The following DGKB variants were observed in gnomAD, a reference collection of about 807,000 sequenced individuals.
DGKB encodes the protein 90 kDa diacylglycerol kinase.
A neutral mutation model predicts 114.3 loss-of-function variants in DGKB; 67 were observed. That is an observed-to-expected ratio of 0.59 (90% confidence interval 0.48 to 0.72). DGKB has a LOEUF of 0.72. DGKB is among the 30% of genes least tolerant of loss of function. DGKB has a pLI of 0.00. For missense variants in DGKB, 907 were observed against 975.2 expected, an observed-to-expected ratio of 0.93 and a Z score of 0.93; for synonymous variants, 398 against 323.1, an observed-to-expected ratio of 1.23 and a Z score of -2.49.
At chr7:14,800,418 T>C (rs1842002923) in intron 2 of DGKB, among the ~76,000 whole-genome samples, 2 of 152,158 alleles carry the variant, frequency 1.3e-5, no homozygotes, top group Non-Finnish European at 2.9e-5. Context: ...TAAAATCTAA[T>C]CAGCTGTCAG....
intron 23 of DGKB, among the ~76,000 whole-genome samples, chr7:14,331,204 T>A (rs1249797611): frequency 6.6e-6 from 1 of 152,068 alleles, no homozygotes; most frequent in Non-Finnish European, 1.5e-5. Context: ...TCTATCTATT[T>A]TCAACCAATG....
intron 21 of DGKB, among the ~76,000 whole-genome samples, chr7:14,383,931 C>T (rs928868382): frequency 6.6e-5 from 10 of 152,150 alleles, no homozygotes; most frequent in Non-Finnish European, 1.5e-4. Context: ...AATTGGCATT[C>T]ATACTGATGT....
At chr7:14,545,977 T>C (rs985640203) in intron 20 of DGKB, among the ~76,000 whole-genome samples, 1 of 152,186 alleles carries the variant, frequency 6.6e-6, no homozygotes, top group Admixed American at 6.5e-5. Flanking sequence ...AACGAGAGTA[T>C]TGGCTGTCGT....
chr7:14,429,439 C>T (rs920410643), intron 21 of DGKB, among the ~76,000 whole-genome samples: 1 of 152,186 alleles, frequency 6.6e-6, no homozygotes, highest in African/African-American at 2.4e-5. Flanking sequence ...GCCTCCAGAA[C>T]TGTGAGTAAT....
At chr7:14,510,969 C>G (rs563986923) in intron 20 of DGKB, among the ~76,000 whole-genome samples, 1 of 152,132 alleles carries the variant, frequency 6.6e-6, no homozygotes, top group Non-Finnish European at 1.5e-5. Flanking sequence ...ATTCAGTAAA[C>G]AATGCTGTAA....
intron 17 of DGKB, among the ~76,000 whole-genome samples, chr7:14,591,482 A>C (rs1447926293): frequency 3.9e-5 from 6 of 152,052 alleles, no homozygotes; most frequent in Non-Finnish European, 8.8e-5. Context: ...ATGTATCTCC[A>C]ATAGCTATAT....
intron 23 of DGKB, among the ~76,000 whole-genome samples, chr7:14,199,707 G>A (rs1187736205): frequency 6.6e-5 from 10 of 152,034 alleles, no homozygotes; most frequent in African/African-American, 2.2e-4. Flanking sequence ...AAGTGGCAGT[G>A]CACTATAATG....
chr7:14,794,102 T>C (rs1007064585), intron 2 of DGKB, among the ~76,000 whole-genome samples: 4 of 152,148 alleles, frequency 2.6e-5, no homozygotes, highest in Non-Finnish European at 5.9e-5. Context: ...TTGTGAGACT[T>C]CTCAGCCTCT....
intron 2 of DGKB, among the ~76,000 whole-genome samples, chr7:14,819,903 C>A (rs375741760): frequency 1.3e-5 from 2 of 152,044 alleles, no homozygotes; most frequent in South Asian, 4.1e-4. Flanking sequence ...GCAATGAATT[C>A]CAGAGACCAA....
intron 13 of DGKB, among the ~76,000 whole-genome samples, chr7:14,647,877 G>A (rs913746656): frequency 3.9e-5 from 6 of 152,322 alleles, no homozygotes; most frequent in East Asian, 1.9e-4. Context: ...CAAAGAAAGG[G>A]GTGACGGACA....
intron 2 of DGKB, among the ~76,000 whole-genome samples, chr7:14,822,665 T>A (rs541406842): frequency 6.6e-6 from 1 of 152,100 alleles, no homozygotes; most frequent in South Asian, 2.1e-4. Context: ...TAGAGGTTGA[T>A]AGAATCATAG....
chr7:14,694,180 C>A lies in DGKB; in HGVS notation c.606G>T (p.Met202Ile). Residue 202 changes from methionine (M) to isoleucine (I), a missense_variant, in exon 9 of 26, where the codon ATG becomes ATT. Coordinates refer to ENST00000402815, the MANE Select transcript of DGKB (RefSeq NM_001350709.2). ...CATGATCATAGTCAATTTCTTCCAT[C>A]ATTTCATGGAGGATCTGGAGTAGAG... Reference protein sequence around the residue: ...VTELNPILHEMMEEIDYDHDG... With the variant: ...VTELNPILHEIMEEIDYDHDG... 2.5e-6 allele frequency: 4 copies of A among 1,573,138 alleles called. No individual in the cohort carries two copies. Among genetic ancestry groups the A allele is most frequent in the Non-Finnish European group, 3.5e-6 (4 of 1,157,562 alleles).
intron 20 of DGKB, among the ~76,000 whole-genome samples, chr7:14,514,200 C>A (rs10245903): frequency 0.36 from 55,242 of 151,770 alleles, 10,512 homozygotes; most frequent in Admixed American, 0.46. Flanking sequence ...TTGTGATATA[C>A]ATTTTTAAAA....
At chr7:14,890,098 A>T (rs1780951382) in intron 1 of DGKB, among the ~76,000 whole-genome samples, 1 of 151,582 alleles carries the variant, frequency 6.6e-6, no homozygotes, top group Non-Finnish European at 1.5e-5. Flanking sequence ...TACAGTTTTC[A>T]TTATCTTGCA....
chr7:14,827,071 C>T (rs1300584062), intron 2 of DGKB, among the ~76,000 whole-genome samples: 4 of 151,978 alleles, frequency 2.6e-5, no homozygotes, highest in Non-Finnish European at 5.9e-5. Context: ...AGTCAAAAGA[C>T]TAAGAATGGT....
At chr7:14,296,122 C>T (rs563514959) in intron 23 of DGKB, among the ~76,000 whole-genome samples, 2 of 151,742 alleles carry the variant, frequency 1.3e-5, no homozygotes, top group South Asian at 2.1e-4. Flanking sequence ...ACCTCCACCT[C>T]CCAGGTTCAA....
rs1225742527 is a variant in DGKB, at chr7:14,146,023, C to T, written c.*3108G>A. The T allele has an allele frequency of 6.6e-6, 1 of 152,198 alleles. No individual in the cohort carries two copies. The highest frequency in any genetic ancestry group is 1.9e-4 in the East Asian group (1 of 5,202). 9.4% of individuals were successfully genotyped at this position (152,198 alleles called of 1,614,324 possible). A position where few individuals can be genotyped will look rare whatever the true frequency, so the allele number is the denominator to read the frequency against. On this transcript the variant is annotated 3_prime_UTR_variant, in exon 26 of 26. Coordinates refer to ENST00000402815, the MANE Select transcript of DGKB (RefSeq NM_001350709.2). The stretch of plus-strand genomic sequence containing the variant: ...TCTGTCTGCAGTAGACTAGGCTAAA[C>T]ATCTGAGCCTTTTGTTTTATTCTGG...
intron 23 of DGKB, among the ~76,000 whole-genome samples, chr7:14,267,655 A>G (rs1797709701): frequency 1.3e-5 from 2 of 151,512 alleles, no homozygotes; most frequent in Admixed American, 1.3e-4. Flanking sequence ...TGCCCAGCTA[A>G]TTTTTTGTAT....
chr7:14,927,393 T>C (rs1784798695), intron 1 of DGKB, among the ~76,000 whole-genome samples: 1 of 152,054 alleles, frequency 6.6e-6, no homozygotes, highest in Non-Finnish European at 1.5e-5. Context: ...AAAGTGGGTA[T>C]GGCAAAACAT....
Sources: allele counts gnomAD v4.1 joint callset (sites outside exome capture counted in the v4.1 genomes callset), GRCh38; gene constraint gnomAD v4.1.1; transcripts MANE v1.5; gene names NCBI Gene and HGNC (gene_info 2026-07-23, HGNC 2026-07-21).